Variants in NKAIN4 observed in about 807,000 individuals in gnomAD.
NKAIN4 encodes the protein sodium/potassium transporting ATPase interacting 4.
Under a neutral mutation model 28.8 loss-of-function variants are expected in NKAIN4, and 28 were observed. That is an observed-to-expected ratio of 0.97 (90% CI 0.72 to 1.33). The LOEUF (loss-of-function observed/expected upper bound fraction) is 1.33, where lower values mean the gene tolerates loss of function less well. Ranked by LOEUF, NKAIN4 falls within the 40% of genes most tolerant of loss-of-function variation. The pLI, the probability that NKAIN4 is intolerant of heterozygous loss-of-function variation, is 0.00. For missense variants in NKAIN4, 289 were observed against 277.2 expected, an observed-to-expected ratio of 1.04 and a Z score of -0.30; for synonymous variants, 122 against 115.6, an observed-to-expected ratio of 1.06 and a Z score of -0.36.
intron 1 of NKAIN4, chr20:63,254,134 C>A: frequency 2.3e-6 from 1 of 444,304 alleles, no homozygotes; most frequent in Non-Finnish European, 4.1e-6. Context: ...AGCCGCTGCC[C>A]CGCACCTGTC....
intron 4 of NKAIN4, 196 bp downstream of exon 4, chr20:63,247,381 AG>A: frequency 6.5e-7 from 1 of 1,526,788 alleles, no homozygotes; most frequent in Non-Finnish European, 8.8e-7. Flanking sequence ...TGGTTTGCAG[AG>A]GAGGCACTGA....
intron 2 of NKAIN4, chr20:63,249,110 A>T (rs60595904): frequency 0.015 from 8,341 of 547,740 alleles, 93 homozygotes; most frequent in African/African-American, 0.046. Context: ...TGCCCCGGGA[A>T]TGAGGCGGTG....
At chr20:63,243,667 G>A (rs1043373418) in intron 5 of NKAIN4, among the ~76,000 whole-genome samples, 1 of 152,196 alleles carries the variant, frequency 6.6e-6, no homozygotes, top group Non-Finnish European at 1.5e-5. Flanking sequence ...TCCTGGCCAT[G>A]GGCCCGGTTC....
At chr20:63,246,919 C>T (rs1380507099) in intron 4 of NKAIN4, 19 of 985,680 alleles carry the variant, frequency 1.9e-5, no homozygotes, top group Non-Finnish European at 2.3e-5. Flanking sequence ...GGGAAGTGGC[C>T]GTGTGGCCAT....
At chr20:63,249,036 C>T (rs1161218212) in intron 2 of NKAIN4, 141 bp from the exon 3 acceptor site, 4 of 649,452 alleles carry the variant, frequency 6.2e-6, no homozygotes, top group East Asian at 2.8e-5. Flanking sequence ...CCCAGATGCA[C>T]AGCATGGAGA....
At position 63,254,419 on chromosome 20, in the gene NKAIN4, A is replaced by G; in HGVS notation, c.32T>C (p.Val11Ala). The stretch of plus-strand genomic sequence containing the variant: ...CACCAGCTGAAAAGCGCAGAGGACG[A>G]CGAGCGCGCAGCGGCCGGAGCAGGA... MGSCSGRCAL[V>A]VLCAFQLVAA... The change falls in exon 1 of 7, where the codon GTC (valine) becomes GCC (alanine). Residue 11 changes from valine (V) to alanine (A), a missense_variant. By Grantham distance (64) the Val-to-Ala change is moderately conservative. Coordinates refer to ENST00000370316, the MANE Select transcript of NKAIN4 (RefSeq NM_152864.4). The G allele has an allele frequency of 1.4e-6, 2 of 1,443,732 alleles. No individual in the cohort carries two copies. Among genetic ancestry groups the G allele is most frequent in the Non-Finnish European group, 1.8e-6 (2 of 1,099,030 alleles). 89.4% of individuals were successfully genotyped at this position (1,443,732 alleles called of 1,614,324 possible).
Position 63,241,284 on chromosome 20 carries a change from A to T in NKAIN4, c.*213T>A. ...CTTTTCTTTTTTTTTTTTAAGAGAA[A>T]GGAAATTACAAACTCTCTTGACGCT... On this transcript the variant is annotated 3_prime_UTR_variant, in exon 7 of 7. Coordinates refer to ENST00000370316, the MANE Select transcript of NKAIN4 (RefSeq NM_152864.4). 1.9e-6 allele frequency: 1 copy of T among 530,996 alleles called. No homozygotes were observed. Among genetic ancestry groups the T allele is most frequent in the Non-Finnish European group, 3.4e-6 (1 of 298,220 alleles). 32.9% of individuals were successfully genotyped at this position (530,996 alleles called of 1,614,324 possible).
chr20:63,241,782 G>T, intron 6 of NKAIN4: 1 of 638,954 alleles, frequency 1.6e-6, no homozygotes, highest in Non-Finnish European at 3.0e-6. Context: ...TCACCCAGGG[G>T]TGTGCCTGGG....
In NKAIN4 at chr20:63,242,529, C is replaced by G. The variant is rs371686574; in HGVS notation, c.617+10G>C. The G allele has an allele frequency of 8.7e-6, 14 of 1,602,624 alleles. No individual in the cohort carries two copies. The highest frequency in any genetic ancestry group is 5.4e-5 in the African/African-American group (4 of 74,684). On this transcript the variant is annotated intron_variant, in intron 6 of 6. Transcript: ENST00000370316. The stretch of plus-strand genomic sequence containing the variant: ...CTGGCCGCAGAGCAGGTTCTGCCAG[C>G]CATACTTACAAGTACACCTGCTTGG...
rs1283199760 is a variant in NKAIN4 at position 63,246,717 on chromosome 20, C to T, written c.471+861G>A. The T allele has an allele frequency of 2.9e-5, 29 of 985,470 alleles. No homozygotes were observed. The South Asian group carries it at 7.5e-4, about 26-fold the overall frequency. 61.0% of individuals were successfully genotyped at this position (985,470 alleles called of 1,614,324 possible). ...GAAGTTCCTCCAGCGACGGCACCAGCCGTGCTGCAGTCACATTGGCCCTGC... is the reference window on the plus strand; with the variant it reads ...GAAGTTCCTCCAGCGACGGCACCAGTCGTGCTGCAGTCACATTGGCCCTGC... On this transcript the variant is annotated intron_variant, in intron 4 of 6. Transcript: ENST00000370316.
intron 4 of NKAIN4, 79 bp downstream of exon 4, chr20:63,247,499 C>T: frequency 6.5e-7 from 1 of 1,548,690 alleles, no homozygotes; most frequent in Non-Finnish European, 8.7e-7. Context: ...GGCCCCGCCT[C>T]AGGGAGATGA....
intron 1 of NKAIN4, among the ~76,000 whole-genome samples, chr20:63,251,636 C>T (rs6122412): frequency 0.078 from 11,928 of 152,182 alleles, 732 homozygotes; most frequent in East Asian, 0.3. Context: ...CCCCTCAGCT[C>T]CTATCTCTGT....
At chr20:63,241,584 G>T in intron 6 of NKAIN4, 78 bp from the exon 7 acceptor site, 5 of 1,321,918 alleles carry the variant, frequency 3.8e-6, no homozygotes, top group Non-Finnish European at 5.3e-6. Context: ...CCTCCCCTTG[G>T]AGAACCTGAA....
intron 1 of NKAIN4, among the ~76,000 whole-genome samples, chr20:63,251,938 GGAGCCCCGGGGGGAAGGTAAGC>G (rs1347716555): frequency 6.6e-6 from 1 of 152,144 alleles, no homozygotes; most frequent in African/African-American, 2.4e-5. Context: ...CTGCCCTGCC[GGAGCCCCGGGGGGAAGGTAAGC>G]GAGCCCCCCA....
At chr20:63,246,859 C>T (rs932241706) in intron 4 of NKAIN4, 4 of 985,244 alleles carry the variant, frequency 4.1e-6, no homozygotes, top group African/African-American at 1.7e-5. Flanking sequence ...TTTACAGAGG[C>T]GGGAGCTGAG....
chr20:63,248,173 TGGGCACCTGCCCCAG>T (rs141605454), intron 3 of NKAIN4: 5,482 of 180,820 alleles, frequency 0.03, 303 homozygotes, highest in African/African-American at 0.12. Flanking sequence ...TCTGCCTGGC[TGGGCACCTGCCCCAG>T]TGCCCACCTG....
upstream of NKAIN4, chr20:63,254,523 G>A (rs1201181634): frequency 4.4e-6 from 5 of 1,127,868 alleles, no homozygotes; most frequent in East Asian, 1.3e-4. Context: ...CGCTCCCCAC[G>A]CGCCGCAGCC....
At chr20:63,254,140 C>A in intron 1 of NKAIN4, 3 of 433,230 alleles carry the variant, frequency 6.9e-6, no homozygotes, top group Non-Finnish European at 1.2e-5. Flanking sequence ...TGCCCCGCAC[C>A]TGTCCCCGCC....
intron 4 of NKAIN4, among the ~76,000 whole-genome samples, chr20:63,246,021 G>T (rs956111687): frequency 6.6e-6 from 1 of 151,486 alleles, no homozygotes; most frequent in Non-Finnish European, 1.5e-5. Flanking sequence ...TCTGCCTCCC[G>T]GGTTCATGCC....
Sources: allele counts gnomAD v4.1 joint callset (sites outside exome capture counted in the v4.1 genomes callset), GRCh38; gene constraint gnomAD v4.1.1; transcripts MANE v1.5; gene names NCBI Gene and HGNC (gene_info 2026-07-23, HGNC 2026-07-21).